The following EYS variants were observed in gnomAD, a reference collection of about 807,000 sequenced individuals.
The protein encoded by EYS is protein eyes shut homolog.
In EYS, 250 loss-of-function variants were observed where a neutral mutation model predicts 282.1. The observed-to-expected ratio is 0.89, with a 90% CI of 0.80 to 0.98. The LOEUF (loss-of-function observed/expected upper bound fraction) is 0.98. Ranked by LOEUF, EYS falls within the 50% of genes least tolerant of loss-of-function variation. The probability of loss-of-function intolerance (pLI) is 0.00; values close to 1 mark genes in which losing one functional copy is unlikely to be tolerated. For missense variants in EYS, 4,016 were observed against 3,709.0 expected (o/e 1.08, Z -2.15); for synonymous variants, 1,355 against 1,282.9 (o/e 1.06, Z -1.20).
chr6:64,721,698 A>G (rs1032671546), intron 22 of EYS, among the ~76,000 whole-genome samples: 4 of 152,202 alleles, frequency 2.6e-5, no homozygotes, highest in African/African-American at 7.2e-5. Context: ...CGATAAGCCC[A>G]AAAGAGAACT....
At chr6:64,318,603 A>G (rs1256243814) in intron 29 of EYS, among the ~76,000 whole-genome samples, 1 of 152,004 alleles carries the variant, frequency 6.6e-6, no homozygotes, top group Non-Finnish European at 1.5e-5. Flanking sequence ...ATTAGACACA[A>G]TTACTTGAAG....
At chr6:65,516,627 A>T (rs1767146122) in intron 2 of EYS, among the ~76,000 whole-genome samples, 1 of 152,112 alleles carries the variant, frequency 6.6e-6, no homozygotes, top group South Asian at 2.1e-4. Context: ...CTTAATCTGC[A>T]TCAGGCCCAA....
intron 22 of EYS, among the ~76,000 whole-genome samples, chr6:64,774,823 T>C (rs1583143375): frequency 6.6e-6 from 1 of 151,952 alleles, no homozygotes; most frequent in Non-Finnish European, 1.5e-5. Flanking sequence ...TTTCCTAAAT[T>C]TATGACCCCT....
intron 25 of EYS, 116 bp downstream of exon 25, chr6:64,593,001 C>A: frequency 1.5e-6 from 1 of 688,598 alleles, no homozygotes; most frequent in South Asian, 2.7e-5. Context: ...AATTTTACAC[C>A]CCTAAAAATC....
At chr6:65,150,108 G>A (rs534977955) in intron 12 of EYS, among the ~76,000 whole-genome samples, 49 of 152,138 alleles carry the variant, frequency 3.2e-4, no homozygotes, top group South Asian at 2.7e-3. Flanking sequence ...CATGACACAT[G>A]GGGATTATGG....
chr6:64,527,190 T>A (rs1177419592), intron 26 of EYS, among the ~76,000 whole-genome samples: 1 of 151,818 alleles, frequency 6.6e-6, no homozygotes, highest in Non-Finnish European at 1.5e-5. Context: ...AGTCAACAAA[T>A]GTTTTCACAT....
intron 2 of EYS, among the ~76,000 whole-genome samples, chr6:65,534,995 A>C (rs1437937695): frequency 1.3e-5 from 2 of 152,126 alleles, no homozygotes; most frequent in Non-Finnish European, 2.9e-5. Flanking sequence ...GACAGTCTGG[A>C]AAATGTGCTT....
intron 36 of EYS, among the ~76,000 whole-genome samples, chr6:63,838,600 A>G (rs545992666): frequency 2.6e-5 from 4 of 152,294 alleles, no homozygotes; most frequent in African/African-American, 9.6e-5. Context: ...TTTAGTAGGC[A>G]GTGTTCCTTC....
chr6:65,163,007 A>G (rs1228427726), intron 12 of EYS, among the ~76,000 whole-genome samples: 1 of 150,988 alleles, frequency 6.6e-6, no homozygotes, highest in Non-Finnish European at 1.5e-5. Context: ...ATGTTATCAG[A>G]AATCTAATCC....
chr6:64,389,629 G>C (rs757697554), intron 28 of EYS, among the ~76,000 whole-genome samples: 4 of 152,132 alleles, frequency 2.6e-5, no homozygotes, highest in South Asian at 4.1e-4. Context: ...AAGACTTTAA[G>C]TCCCAAAAGC....
intron 12 of EYS, among the ~76,000 whole-genome samples, chr6:65,254,145 G>C (rs774264526): frequency 2.2e-4 from 34 of 151,726 alleles, no homozygotes; most frequent in Non-Finnish European, 1.9e-4. Flanking sequence ...TTATCTCTTA[G>C]AACTTTTTCA....
chr6:64,373,221 C>T (rs1772443259), intron 29 of EYS, among the ~76,000 whole-genome samples: 1 of 151,972 alleles, frequency 6.6e-6, no homozygotes, highest in African/African-American at 2.4e-5. Flanking sequence ...AGTTGCTGTC[C>T]TTTGGATGGA....
At chr6:64,573,085 A>G (rs902131804) in intron 26 of EYS, among the ~76,000 whole-genome samples, 1 of 152,180 alleles carries the variant, frequency 6.6e-6, no homozygotes, top group African/African-American at 2.4e-5. Context: ...CATACAGACC[A>G]ATGGAACAGA....
chr6:64,540,475 A>AC (rs1764667861), intron 26 of EYS, among the ~76,000 whole-genome samples: 1 of 83,496 alleles, frequency 1.2e-5, no homozygotes, highest in African/African-American at 4.5e-5. Flanking sequence ...CCAAGTACAG[A>AC]TTTTTTTTTT....
chr6:64,617,212 C>A (rs1767301405), intron 24 of EYS, among the ~76,000 whole-genome samples: 1 of 151,916 alleles, frequency 6.6e-6, no homozygotes, highest in African/African-American at 2.4e-5. Flanking sequence ...TGTTTTTCTT[C>A]TGAAAGAAAG....
chr6:63,878,581 T>A (rs1396583779), intron 35 of EYS, among the ~76,000 whole-genome samples: 1 of 152,160 alleles, frequency 6.6e-6, no homozygotes, highest in Non-Finnish European at 1.5e-5. Flanking sequence ...AGAGGCAGAG[T>A]CTACAGAAGC....
At chr6:65,262,543 A>T (rs571150506) in intron 12 of EYS, among the ~76,000 whole-genome samples, 1 of 152,062 alleles carries the variant, frequency 6.6e-6, no homozygotes, top group Non-Finnish European at 1.5e-5. Context: ...TTGCATTCCC[A>T]TAAGTCTCAG....
At chr6:63,985,190 G>A (rs9450489) in intron 34 of EYS, among the ~76,000 whole-genome samples, 283 of 151,788 alleles carry the variant, frequency 1.9e-3, no homozygotes, top group African/African-American at 6.6e-3. Context: ...CTTTTATAAA[G>A]AAGCTTGGAT....
chr6:64,982,385 A>G (rs1435212318), intron 14 of EYS, among the ~76,000 whole-genome samples: 2 of 151,366 alleles, frequency 1.3e-5, no homozygotes, highest in African/African-American at 2.4e-5. Flanking sequence ...ATAATGCAAC[A>G]TTAAGAATCA....
Sources: allele counts gnomAD v4.1 joint callset (sites outside exome capture counted in the v4.1 genomes callset), GRCh38; gene constraint gnomAD v4.1.1; transcripts MANE v1.5; gene names NCBI Gene and HGNC (gene_info 2026-07-23, HGNC 2026-07-21).